Variants in IFT43 observed in about 807,000 individuals in gnomAD.
IFT43 encodes intraflagellar transport 43.
IFT43 carries 33 observed loss-of-function variants against 32.3 expected under a neutral mutation model. The observed-to-expected ratio is 1.02, with a 90% CI of 0.77 to 1.37. The LOEUF is 1.37. Among genes scored for constraint, IFT43 ranks in the 40% most tolerant of loss-of-function variants. IFT43 has a pLI of 0.00. For missense variants in IFT43, 274 were observed against 265.9 expected (o/e 1.03, Z -0.21); for synonymous variants, 93 against 98.2 (o/e 0.95, Z 0.31).
intron 2 of IFT43, among the ~76,000 whole-genome samples, chr14:75,999,281 A>ATT (rs371670856): frequency 8.2e-4 from 32 of 39,050 alleles, no homozygotes; most frequent in African/African-American, 9.6e-4. Flanking sequence ...ATGTATATAT[A>ATT]TTTTTTTTTT....
intron 3 of IFT43, among the ~76,000 whole-genome samples, chr14:76,023,405 C>T (rs1373721832): frequency 6.6e-6 from 1 of 152,138 alleles, no homozygotes; most frequent in Non-Finnish European, 1.5e-5. Flanking sequence ...CCTAACTGTG[C>T]CATTTATTAT....
At chr14:76,075,924 A>G (rs1389624761) in intron 5 of IFT43, among the ~76,000 whole-genome samples, 4 of 152,260 alleles carry the variant, frequency 2.6e-5, no homozygotes, top group Non-Finnish European at 4.4e-5. Flanking sequence ...TCCTAAAAAC[A>G]CGGGCATTGT....
Position 76,025,339 on chromosome 14 carries a change from A to G in IFT43, c.215+2945A>G, listed in dbSNP as rs568641705. On this transcript the variant is annotated intron_variant, in intron 3 of 8. Coordinates refer to ENST00000314067, the MANE Select transcript of IFT43 (RefSeq NM_001102564.3). Reference sequence around the variant, plus strand: ...GGACTCAATATTGAGTCCATTCATGAAGACTCAATATTGTTAAAATGACCA... The same window carrying G: ...GGACTCAATATTGAGTCCATTCATGGAGACTCAATATTGTTAAAATGACCA... 9.9e-5 allele frequency among the ~76,000 whole-genome samples: 15 copies of G among 152,262 alleles called. No homozygotes were observed. The South Asian group carries it at 2.9e-3, about 29-fold the overall frequency.
At chr14:76,000,117 A>G (rs556187556) in intron 2 of IFT43, among the ~76,000 whole-genome samples, 1 of 152,348 alleles carries the variant, frequency 6.6e-6, no homozygotes, top group South Asian at 2.1e-4. Context: ...GTTACAATAC[A>G]TACCACTCAC....
chr14:76,056,056 A>G (rs1487926832), intron 3 of IFT43, among the ~76,000 whole-genome samples: 1 of 152,180 alleles, frequency 6.6e-6, no homozygotes, highest in Non-Finnish European at 1.5e-5. Context: ...AAATCTCCCC[A>G]TTTTGGCAAT....
chr14:76,059,103 A>G (rs1189953471), intron 4 of IFT43: 2 of 1,460,008 alleles, frequency 1.4e-6, no homozygotes, highest in African/African-American at 1.4e-5. Context: ...CATTCATGTC[A>G]TAGCCTCTGT....
At chr14:76,056,535 G>T (rs566977192) in intron 3 of IFT43, among the ~76,000 whole-genome samples, 32 of 152,348 alleles carry the variant, frequency 2.1e-4, no homozygotes, top group African/African-American at 7.5e-4. Context: ...TTTTGCCACC[G>T]CACATTGTGT....
chr14:76,075,727 A>G (rs2037401445), intron 5 of IFT43, among the ~76,000 whole-genome samples: 1 of 152,244 alleles, frequency 6.6e-6, no homozygotes, highest in African/African-American at 2.4e-5. Flanking sequence ...TTGGGAACAC[A>G]GATGAATCCT....
chr14:76,081,104 A>G (rs144878091), intron 5 of IFT43, among the ~76,000 whole-genome samples: 2 of 152,324 alleles, frequency 1.3e-5, no homozygotes, highest in African/African-American at 2.4e-5. Context: ...CGGAAGTCAT[A>G]ATAAAGACAC....
intron 5 of IFT43, among the ~76,000 whole-genome samples, chr14:76,060,577 G>T (rs920842607): frequency 6.6e-6 from 1 of 151,250 alleles, no homozygotes; most frequent in Admixed American, 6.6e-5. Flanking sequence ...CACACTCCTT[G>T]TTTGTTTGTG....
At chr14:76,048,373 A>G (rs187930458) in intron 3 of IFT43, among the ~76,000 whole-genome samples, 1 of 152,358 alleles carries the variant, frequency 6.6e-6, no homozygotes, top group Admixed American at 6.5e-5. Flanking sequence ...GCTGCTTTGC[A>G]GAGTGAGCAG....
At chr14:76,007,483 C>A (rs1176632302) in intron 2 of IFT43, among the ~76,000 whole-genome samples, 1 of 152,150 alleles carries the variant, frequency 6.6e-6, no homozygotes, top group East Asian at 1.9e-4. Flanking sequence ...AAGGTTACAG[C>A]TTGCTTCTAC....
rs1330242492 is a variant in IFT43 at position 75,988,921 on chromosome 14, G to C, written c.91G>C (p.Ala31Pro). ...GGGTCGCCGAGCTCAACAGGAGTCA[G>C]CGCAGGCCGAGAATCACCTCAATGG... Reference protein sequence around the residue: ...KMGRRAQQESAQAENHLNGKN... With the variant: ...KMGRRAQQESPQAENHLNGKN... Residue 31 changes from alanine (A) to proline (P), a missense_variant, in exon 2 of 9, where the codon GCG becomes CCG. Coordinates refer to ENST00000314067, the MANE Select transcript of IFT43 (RefSeq NM_001102564.3). The C allele has an allele frequency of 2.5e-6, 4 of 1,614,056 alleles. No homozygotes were observed. The Admixed American group carries it at 5.0e-5, about 20-fold the overall frequency.
chr14:76,002,888 G>A lies in IFT43; in HGVS notation c.147+13911G>A, dbSNP rs114327897. On this transcript the variant is annotated intron_variant, in intron 2 of 8. Transcript: ENST00000314067. ...TGCGAGAGCAACGAAGTCCGTGGGG[G>A]AAGCCAGGATTTAGGAGAGGCAAGG... Among the ~76,000 whole-genome samples, 1,112 of 152,344 alleles carry A rather than the reference G, an allele frequency of 7.3e-3. 15 individuals are homozygous for A. Among genetic ancestry groups the A allele is most frequent in the South Asian group, 0.037 (179 of 4,832 alleles).
At chr14:76,057,491 A>G (rs889556311) in intron 3 of IFT43, among the ~76,000 whole-genome samples, 1 of 152,152 alleles carries the variant, frequency 6.6e-6, no homozygotes, top group Non-Finnish European at 1.5e-5. Context: ...TTGGCCTCCC[A>G]AAGTATTAGA....
At chr14:76,071,388 A>G (rs930116583) in intron 5 of IFT43, among the ~76,000 whole-genome samples, 3 of 152,246 alleles carry the variant, frequency 2.0e-5, no homozygotes, top group Admixed American at 6.5e-5. Flanking sequence ...GATTCTCACC[A>G]TCTTACAGAG....
chr14:76,052,104 G>A (rs2036924542), intron 3 of IFT43, among the ~76,000 whole-genome samples: 1 of 152,086 alleles, frequency 6.6e-6, no homozygotes, highest in Non-Finnish European at 1.5e-5. Context: ...GGTCCAGTAT[G>A]TGCTGTGGAT....
chr14:76,029,593 G>A (rs1033252009), intron 3 of IFT43, among the ~76,000 whole-genome samples: 1 of 152,108 alleles, frequency 6.6e-6, no homozygotes, highest in Admixed American at 6.5e-5. Flanking sequence ...TATAGTTCGA[G>A]ATCTTACATT....
intron 6 of IFT43, 106 bp from the exon 7 acceptor site, chr14:76,082,511 C>T: frequency 7.2e-7 from 1 of 1,390,282 alleles, no homozygotes; most frequent in Admixed American, 1.7e-5. Flanking sequence ...TATTCCCATT[C>T]TGGTCATCCC....
Sources: gnomAD v4.1 joint callset for allele counts (sites outside exome capture counted in the v4.1 genomes callset) on GRCh38, gnomAD v4.1.1 for gene constraint, MANE v1.5 for transcripts, NCBI Gene and HGNC (gene_info 2026-07-23, HGNC 2026-07-21) for gene names.